HPSE2: variants seen among roughly 807,000 people sequenced by gnomAD.
The protein encoded by HPSE2 is heparanase 2 (inactive), also known as inactive heparanase-2.
Under a neutral mutation model 60.5 loss-of-function variants are expected in HPSE2, and 38 were observed. The ratio of observed to expected loss-of-function variants is 0.63; its 90% CI spans 0.48 to 0.82. The LOEUF is 0.82. HPSE2 is among the 40% of genes least tolerant of loss of function. HPSE2 has a pLI of 0.00. For synonymous variants in HPSE2, 295 were observed against 293.2 expected, an observed-to-expected ratio of 1.01 and a Z score of -0.06; for missense variants, 713 against 740.4, an observed-to-expected ratio of 0.96 and a Z score of 0.43.
At chr10:99,102,815 A>C (rs11528140) in intron 3 of HPSE2, among the ~76,000 whole-genome samples, 4 of 151,978 alleles carry the variant, frequency 2.6e-5, no homozygotes, top group Non-Finnish European at 5.9e-5. Context: ...CTGGGATACA[A>C]GGCTGGTTCA....
intron 3 of HPSE2, among the ~76,000 whole-genome samples, chr10:99,125,002 A>C (rs1845108918): frequency 6.6e-6 from 1 of 152,258 alleles, no homozygotes; most frequent in Non-Finnish European, 1.5e-5. Flanking sequence ...CCAAAAGATG[A>C]CATAGTACAG....
chr10:99,060,512 G>T (rs1320920952), intron 3 of HPSE2, among the ~76,000 whole-genome samples: 1 of 151,890 alleles, frequency 6.6e-6, no homozygotes, highest in African/African-American at 2.4e-5. Flanking sequence ...TACAAAATTA[G>T]CCAGGCGTGG....
intron 3 of HPSE2, among the ~76,000 whole-genome samples, chr10:98,825,017 C>G (rs1008323741): frequency 8.5e-5 from 13 of 152,126 alleles, no homozygotes; most frequent in African/African-American, 2.4e-4. Flanking sequence ...ATTAGGGATA[C>G]AAAGAAAAAA....
upstream of HPSE2, among the ~76,000 whole-genome samples, chr10:99,239,137 T>A (rs1849908259): frequency 6.6e-6 from 1 of 151,968 alleles, no homozygotes; most frequent in Non-Finnish European, 1.5e-5. Flanking sequence ...CCAGCCTGGG[T>A]GACAAGAGCA....
intron 9 of HPSE2, among the ~76,000 whole-genome samples, chr10:98,604,892 A>AGTTGGTG (rs1945532673): frequency 2.0e-5 from 3 of 152,170 alleles, no homozygotes. Context: ...ACAATGAGTG[A>AGTTGGTG]GTTGGTGTCA....
At chr10:98,855,745 T>A (rs1952298718) in intron 3 of HPSE2, among the ~76,000 whole-genome samples, 1 of 151,988 alleles carries the variant, frequency 6.6e-6, no homozygotes, top group Non-Finnish European at 1.5e-5. Flanking sequence ...CTGAACAACA[T>A]AGGCTGAACC....
At chr10:98,952,123 T>C (rs1188735454) in intron 3 of HPSE2, among the ~76,000 whole-genome samples, 2 of 152,168 alleles carry the variant, frequency 1.3e-5, no homozygotes, top group Non-Finnish European at 2.9e-5. Flanking sequence ...TTCTATTTCA[T>C]AGGATTTTGT....
chr10:99,254,301 A>G, the HPSE2 span, among the ~76,000 whole-genome samples: 2 of 152,224 alleles, frequency 1.3e-5, no homozygotes, highest in Non-Finnish European at 2.9e-5. Flanking sequence ...GGAACAGATA[A>G]CCAAATAATG....
At chr10:98,987,082 C>T (rs1305190414) in intron 3 of HPSE2, among the ~76,000 whole-genome samples, 1 of 151,958 alleles carries the variant, frequency 6.6e-6, no homozygotes, top group African/African-American at 2.4e-5. Flanking sequence ...GAGCTGGTAC[C>T]ATTCCTTCTG....
At chr10:98,546,516 T>G (rs1943681263) in intron 9 of HPSE2, among the ~76,000 whole-genome samples, 1 of 151,766 alleles carries the variant, frequency 6.6e-6, no homozygotes, top group Admixed American at 6.6e-5. Context: ...TACAACTATC[T>G]GATCTTTGAC....
At chr10:98,781,108 C>T (rs1019262991) in intron 3 of HPSE2, among the ~76,000 whole-genome samples, 1 of 152,000 alleles carries the variant, frequency 6.6e-6, no homozygotes, top group Non-Finnish European at 1.5e-5. Context: ...GATGAGCCAC[C>T]TATATCAGAC....
At chr10:98,818,515 G>A (rs1589878436) in intron 3 of HPSE2, among the ~76,000 whole-genome samples, 2 of 152,116 alleles carry the variant, frequency 1.3e-5, no homozygotes, top group East Asian at 3.9e-4. Flanking sequence ...ATGTGGACCT[G>A]TTCCTAGCAG....
intron 2 of HPSE2, among the ~76,000 whole-genome samples, chr10:99,199,825 C>T (rs1848516642): frequency 6.6e-6 from 1 of 152,108 alleles, no homozygotes; most frequent in African/African-American, 2.4e-5. Context: ...AAACAACAGA[C>T]ATTGAGATTC....
intron 5 of HPSE2, among the ~76,000 whole-genome samples, chr10:98,698,910 C>T (rs1465373148): frequency 7.2e-5 from 11 of 152,018 alleles, no homozygotes; most frequent in Admixed American, 7.2e-4. Context: ...ATAAATTCCT[C>T]CACACATACA....
chr10:99,310,939 G>T, the HPSE2 span, among the ~76,000 whole-genome samples: 3 of 152,090 alleles, frequency 2.0e-5, no homozygotes, highest in African/African-American at 7.2e-5. Flanking sequence ...TTTAAAAACA[G>T]AATAATGAGA....
At chr10:98,834,468 T>C (rs772050707) in intron 3 of HPSE2, among the ~76,000 whole-genome samples, 1 of 152,160 alleles carries the variant, frequency 6.6e-6, no homozygotes, top group Non-Finnish European at 1.5e-5. Context: ...ATAAAAGTAT[T>C]ATGACCATTT....
upstream of HPSE2, chr10:99,235,954 GCTCTCT>G: frequency 1.8e-6 from 1 of 542,112 alleles, no homozygotes; most frequent in Non-Finnish European, 3.3e-6. Context: ...TCTCTCTCCC[GCTCTCT>G]CTCTCTCTCG....
At chr10:99,262,167 G>A in the HPSE2 span, among the ~76,000 whole-genome samples, 1 of 152,094 alleles carries the variant, frequency 6.6e-6, no homozygotes, top group East Asian at 1.9e-4. Context: ...TCAATATGGA[G>A]GCTACCCACT....
chr10:98,963,356 C>T (rs1036057781), intron 3 of HPSE2, among the ~76,000 whole-genome samples: 9 of 152,230 alleles, frequency 5.9e-5, no homozygotes, highest in African/African-American at 1.9e-4. Context: ...CAGATGACTG[C>T]TATTCATATT....
Sources: gnomAD v4.1 joint callset for allele counts (sites outside exome capture counted in the v4.1 genomes callset) on GRCh38, gnomAD v4.1.1 for gene constraint, MANE v1.5 for transcripts, NCBI Gene and HGNC (gene_info 2026-07-23, HGNC 2026-07-21) for gene names.